ADGRV1: variants seen among roughly 807,000 people sequenced by gnomAD.
ADGRV1 encodes the protein G-protein coupled receptor 98.
Under a neutral mutation model 596.2 loss-of-function variants are expected in ADGRV1, and 359 were observed. The observed-to-expected ratio is 0.60, with a 90% CI of 0.55 to 0.66. The LOEUF (loss-of-function observed/expected upper bound fraction) is 0.66, where lower values mean the gene tolerates loss of function less well. Among genes scored for constraint, ADGRV1 ranks in the 30% least tolerant of loss-of-function variants. The probability of loss-of-function intolerance (pLI) is 0.00; values close to 1 mark genes in which losing one functional copy is unlikely to be tolerated. For missense variants in ADGRV1, 7,274 were observed against 7,575.6 expected (o/e 0.96, Z 1.48); for synonymous variants, 2,681 against 2,679.2 (o/e 1.00, Z -0.02).
At chr5:90,936,462 C>A (rs1775698899) in intron 83 of ADGRV1, among the ~76,000 whole-genome samples, 1 of 151,904 alleles carries the variant, frequency 6.6e-6, no homozygotes, top group Admixed American at 6.6e-5. Context: ...TGCCTTTTTT[C>A]TTAAGCTTTG....
intron 77 of ADGRV1, among the ~76,000 whole-genome samples, chr5:90,838,849 G>C (rs1765188847): frequency 6.6e-6 from 1 of 151,866 alleles, no homozygotes; most frequent in African/African-American, 2.4e-5. Context: ...GATATAGCGA[G>C]ACCCTCATCT....
intron 1 of ADGRV1, among the ~76,000 whole-genome samples, chr5:90,568,748 T>C (rs1442550191): frequency 6.6e-6 from 1 of 152,228 alleles, no homozygotes; most frequent in Admixed American, 6.5e-5. Flanking sequence ...TGTCTGTTTT[T>C]CCCCTCAATT....
At chr5:91,117,875 C>G (rs370008847) in intron 87 of ADGRV1, among the ~76,000 whole-genome samples, 8 of 152,132 alleles carry the variant, frequency 5.3e-5, no homozygotes, top group African/African-American at 1.9e-4. Context: ...ATAATAGAAC[C>G]CACCTTAGGA....
chr5:90,822,796 T>G (rs529178133), intron 75 of ADGRV1, among the ~76,000 whole-genome samples: 18 of 152,330 alleles, frequency 1.2e-4, no homozygotes, highest in African/African-American at 3.8e-4. Flanking sequence ...GTATCCTCTT[T>G]TATTTCATTG....
intron 38 of ADGRV1, among the ~76,000 whole-genome samples, chr5:90,707,629 A>G (rs1748777231): frequency 6.6e-6 from 1 of 152,198 alleles, no homozygotes; most frequent in Non-Finnish European, 1.5e-5. Context: ...CTTTCAAGTA[A>G]GTTATCTTTC....
intron 1 of ADGRV1, among the ~76,000 whole-genome samples, chr5:90,601,658 A>G (rs1016025699): frequency 1.3e-5 from 2 of 152,204 alleles, no homozygotes; most frequent in African/African-American, 4.8e-5. Context: ...AATAGACTCA[A>G]ACATTAACAG....
intron 85 of ADGRV1, among the ~76,000 whole-genome samples, chr5:91,031,561 T>C (rs943513377): frequency 3.9e-5 from 6 of 152,206 alleles, no homozygotes; most frequent in Non-Finnish European, 8.8e-5. Context: ...ATTAAGAACC[T>C]TGTGACTGTG....
At chr5:90,592,129 A>G (rs1303582287) in intron 1 of ADGRV1, among the ~76,000 whole-genome samples, 2 of 152,246 alleles carry the variant, frequency 1.3e-5, no homozygotes, top group African/African-American at 4.8e-5. Context: ...AACCCAGAGG[A>G]AAAGAAGTCA....
At chr5:91,044,835 G>T (rs1239239332) in intron 85 of ADGRV1, among the ~76,000 whole-genome samples, 2 of 152,098 alleles carry the variant, frequency 1.3e-5, no homozygotes, top group Admixed American at 1.3e-4. Context: ...AATGCATAAA[G>T]TTCTGTTCTT....
chr5:90,578,817 A>T (rs1283691962), intron 1 of ADGRV1, among the ~76,000 whole-genome samples: 1 of 152,150 alleles, frequency 6.6e-6, no homozygotes, highest in Non-Finnish European at 1.5e-5. Context: ...CAGAGATTCA[A>T]CTTCTTCCTG....
At chr5:90,955,546 T>C (rs1484922933) in intron 83 of ADGRV1, among the ~76,000 whole-genome samples, 1 of 152,160 alleles carries the variant, frequency 6.6e-6, no homozygotes, top group Admixed American at 6.5e-5. Context: ...AATATATTTG[T>C]TGATGGAATG....
intron 50 of ADGRV1, among the ~76,000 whole-genome samples, chr5:90,740,976 T>C (rs1753891087): frequency 6.6e-6 from 1 of 152,232 alleles, no homozygotes; most frequent in East Asian, 1.9e-4. Context: ...TGTTCTGGGA[T>C]ATTCATCAAG....
intron 1 of ADGRV1, among the ~76,000 whole-genome samples, chr5:90,605,409 G>A (rs1364869331): frequency 1.5e-5 from 2 of 129,574 alleles, no homozygotes; most frequent in African/African-American, 6.9e-5. Context: ...GCGAGACTAC[G>A]TCTTAAAAAA....
chr5:90,729,678 T>C lies in ADGRV1; in HGVS notation c.10463T>C (p.Met3488Thr). ...TCAATTGATATTTTCATCTGGGAGA[T>C]GGGACAGTCTTCCTTCAGGTATTTT... ...QNSIDIFIWE[M>T]GQSSFRYFQS... The change falls in exon 50 of 90, where the codon ATG becomes ACG. Residue 3488 changes from methionine (M) to threonine (T), a missense_variant. Met to Thr is a moderately conservative substitution (Grantham distance 81). Around this residue, in one of 5 missense-constraint regions of ADGRV1, gnomAD observed 3,643 missense variants for 3,809.2 expected, o/e 0.96. Transcript: ENST00000405460. The C allele has an allele frequency of 6.2e-7, 1 of 1,606,046 alleles. No individual in the cohort carries two copies. The highest frequency in any genetic ancestry group is 8.5e-7 in the Non-Finnish European group (1 of 1,173,170).
chr5:90,672,923 A>G (rs1400515907), intron 22 of ADGRV1: 5 of 499,198 alleles, frequency 1.0e-5, no homozygotes, highest in Non-Finnish European at 1.7e-5. Flanking sequence ...TCATCACTTT[A>G]TTTTGTACAG....
chr5:90,691,400 T>TC (rs1554084119), intron 31 of ADGRV1, among the ~76,000 whole-genome samples: 3 of 150,378 alleles, frequency 2.0e-5, no homozygotes, highest in Non-Finnish European at 4.4e-5. Flanking sequence ...TTTTTTTTTT[T>TC]TGAGATGGAG....
At chr5:90,596,693 G>A (rs1014808605) in intron 1 of ADGRV1, among the ~76,000 whole-genome samples, 1 of 152,198 alleles carries the variant, frequency 6.6e-6, no homozygotes, top group Admixed American at 6.5e-5. Flanking sequence ...CGCAGGCTGA[G>A]GCAGGAGAAT....
In ADGRV1 at chr5:91,153,307, G is replaced by A. The variant is rs749201239; in HGVS notation, c.18711G>A (p.Thr6237=). The A allele has an allele frequency of 1.1e-5, 18 of 1,611,998 alleles. No individual in the cohort carries two copies. The highest frequency in any genetic ancestry group is 2.2e-5 in the East Asian group (1 of 44,856). Residue 6237 remains threonine (T), a synonymous_variant, in exon 89 of 90, where the codon ACG becomes ACA. Coordinates refer to ENST00000405460, the MANE Select transcript of ADGRV1 (RefSeq NM_032119.4). ...DLKPSPQNGA[T]FPSSGGYGQG... is the part of the protein sequence containing the mutation. ...AGCCAAGTCCACAAAATGGAGCCAC[G>A]TTCCCGTCCTCTGGAGGATATGGCC... is the stretch of plus-strand genomic sequence containing the variant.
In ADGRV1 at chr5:90,779,114, A is replaced by T. The variant is rs1321935900; in HGVS notation, c.13082+17A>T. ...CCAGGGAAGGTAAAGGAGAAAGGCA[A>T]TTAGGAAAAAGAAAGCAAAGAGCAG... is the stretch of plus-strand genomic sequence containing the variant. On this transcript the variant is annotated intron_variant, in intron 64 of 89. Coordinates refer to ENST00000405460, the MANE Select transcript of ADGRV1 (RefSeq NM_032119.4). 1 of 1,480,296 alleles carries T rather than the reference A, an allele frequency of 6.8e-7. No individual in the cohort carries two copies. Among genetic ancestry groups the T allele is most frequent in the South Asian group, 1.1e-5 (1 of 87,168 alleles). The allele number at this position is 1,480,296 out of a possible 1,614,324, so 91.7% of individuals were successfully genotyped here. A position where few individuals can be genotyped will look rare whatever the true frequency, so the allele number is the denominator to read the frequency against.
Sources: allele counts gnomAD v4.1 joint callset (sites outside exome capture counted in the v4.1 genomes callset), GRCh38; gene constraint gnomAD v4.1.1; regional missense constraint gnomAD v4.1.1; transcripts MANE v1.5; gene names NCBI Gene and HGNC (gene_info 2026-07-23, HGNC 2026-07-21).